Variants in SS18 observed in about 807,000 individuals in gnomAD.
The protein encoded by SS18 is SS18 subunit of BAF chromatin remodeling complex, also known as protein SSXT.
Under a neutral mutation model 72.5 loss-of-function variants are expected in SS18, and 28 were observed. The observed-to-expected ratio is 0.39, with a 90% confidence interval of 0.29 to 0.53. The LOEUF (loss-of-function observed/expected upper bound fraction) is 0.53, where lower values mean the gene tolerates loss of function less well. Ranked by LOEUF, SS18 falls within the 20% of genes least tolerant of loss-of-function variation. The pLI, the probability that SS18 is intolerant of heterozygous loss-of-function variation, is 0.76. For synonymous variants in SS18, 172 were observed against 164.2 expected (o/e 1.05, Z -0.37); for missense variants, 518 against 535.3 (o/e 0.97, Z 0.32).
intron 10 of SS18, among the ~76,000 whole-genome samples, chr18:26,029,926 C>G (rs1301697028): frequency 3.9e-5 from 6 of 152,300 alleles, no homozygotes; most frequent in Admixed American, 3.9e-4. Flanking sequence ...TGGTCCCCCC[C>G]TCATATTCTT....
At chr18:26,022,250 T>G (rs557289702) in intron 10 of SS18, among the ~76,000 whole-genome samples, 1 of 152,294 alleles carries the variant, frequency 6.6e-6, no homozygotes, top group South Asian at 2.1e-4. Context: ...TGTGCTCTAC[T>G]AGGTGACAGA....
At chr18:26,088,754 C>G (rs1166756099) in intron 1 of SS18, among the ~76,000 whole-genome samples, 2 of 152,148 alleles carry the variant, frequency 1.3e-5, no homozygotes, top group Non-Finnish European at 1.5e-5. Flanking sequence ...CCAGAACCTG[C>G]CCCACCCTAC....
intron 3 of SS18, among the ~76,000 whole-genome samples, chr18:26,066,599 T>TGCGC (rs202179450): frequency 8.7e-4 from 108 of 124,530 alleles, no homozygotes; most frequent in African/African-American, 4.0e-3. Flanking sequence ...TGGAAATTTG[T>TGCGC]GCACACACAC....
At chr18:26,050,630 G>C (rs1353550658) in intron 5 of SS18, among the ~76,000 whole-genome samples, 1 of 151,994 alleles carries the variant, frequency 6.6e-6, no homozygotes, top group Admixed American at 6.6e-5. Flanking sequence ...TTTGGTAACT[G>C]TAATTTTGTG....
rs11463174 is a variant in SS18 at position 26,036,184 on chromosome 18, G to GAA, written c.881-263_881-262dup. On this transcript the variant is annotated intron_variant, in intron 7 of 10. Coordinates refer to ENST00000415083, the MANE Select transcript of SS18 (RefSeq NM_001007559.3). ...TTAAATCTGATAATCCTCATTGAGGGAAAAAAAACTATCTCCCATTTAAAA... is the reference window on the plus strand; with the variant it reads ...TTAAATCTGATAATCCTCATTGAGGGAAAAAAAAAACTATCTCCCATTTAAAA... Among the ~76,000 whole-genome samples, 20 of 151,452 alleles carry GAA rather than the reference G, an allele frequency of 1.3e-4. No homozygotes were observed. The East Asian group carries it at 2.1e-3, about 16-fold the overall frequency.
intron 9 of SS18, among the ~76,000 whole-genome samples, chr18:26,033,775 G>A (rs2053583758): frequency 6.6e-6 from 1 of 151,952 alleles, no homozygotes; most frequent in Non-Finnish European, 1.5e-5. Context: ...GATTCCTGAT[G>A]TCTAACAAAA....
intron 10 of SS18, among the ~76,000 whole-genome samples, chr18:26,024,062 T>G (rs1361099490): frequency 6.6e-6 from 1 of 152,134 alleles, no homozygotes; most frequent in African/African-American, 2.4e-5. Context: ...AATATTATTT[T>G]AAGTAAAAAA....
intron 10 of SS18, among the ~76,000 whole-genome samples, chr18:26,022,696 T>C (rs2053373773): frequency 6.6e-6 from 1 of 152,048 alleles, no homozygotes; most frequent in Non-Finnish European, 1.5e-5. Context: ...CAGGACAGAG[T>C]ACCCTACAAG....
At chr18:26,024,659 T>G (rs1219133766) in intron 10 of SS18, among the ~76,000 whole-genome samples, 1 of 152,212 alleles carries the variant, frequency 6.6e-6, no homozygotes, top group African/African-American at 2.4e-5. Flanking sequence ...TGGTATACTT[T>G]AGAATGGTGA....
intron 10 of SS18, among the ~76,000 whole-genome samples, chr18:26,021,425 A>G (rs1472987749): frequency 2.6e-5 from 4 of 152,238 alleles, no homozygotes; most frequent in African/African-American, 9.6e-5. Flanking sequence ...ATGGGCTTTC[A>G]GCACTCAGCA....
chr18:26,020,506 T>C (rs2053330603), intron 10 of SS18, among the ~76,000 whole-genome samples: 1 of 152,200 alleles, frequency 6.6e-6, no homozygotes, highest in Non-Finnish European at 1.5e-5. Flanking sequence ...CCATAGTATA[T>C]AAGCTATAAT....
chr18:26,077,417 A>G (rs1289025080), intron 3 of SS18, among the ~76,000 whole-genome samples: 1 of 152,090 alleles, frequency 6.6e-6, no homozygotes, highest in Admixed American at 6.5e-5. Context: ...AGAATGTTAA[A>G]AATTCTACAC....
At chr18:26,069,865 C>T (rs1311335853) in intron 3 of SS18, among the ~76,000 whole-genome samples, 3 of 152,140 alleles carry the variant, frequency 2.0e-5, no homozygotes, top group African/African-American at 7.2e-5. Flanking sequence ...TATGCTAATA[C>T]TAGCAGATGA....
intron 2 of SS18, among the ~76,000 whole-genome samples, chr18:26,079,494 A>G (rs2054478601): frequency 1.3e-5 from 2 of 152,218 alleles, no homozygotes. Flanking sequence ...TTTTTCAGCT[A>G]AAGTTCTCTA....
chr18:26,036,063 A>G (rs1326808167), intron 7 of SS18, 140 bp from the exon 8 acceptor site: 3 of 679,042 alleles, frequency 4.4e-6, no homozygotes, highest in Non-Finnish European at 7.5e-6. Flanking sequence ...TGCATTAGCC[A>G]AAGATTTACC....
chr18:26,081,425 A>T (rs995563524), intron 2 of SS18: 1 of 152,280 alleles, frequency 6.6e-6, no homozygotes, highest in Non-Finnish European at 1.5e-5. Flanking sequence ...TCCTGATCTC[A>T]GGTGATCTGC....
At chr18:26,090,917 G>A, upstream of SS18, 2 of 359,294 alleles carry the variant, frequency 5.6e-6, no homozygotes, top group Non-Finnish European at 1.0e-5. Flanking sequence ...CCGCCGCCGC[G>A]GGAGAAGGAG....
intron 5 of SS18, among the ~76,000 whole-genome samples, chr18:26,044,767 G>C (rs2143925249): frequency 6.6e-6 from 1 of 151,924 alleles, no homozygotes; most frequent in East Asian, 1.9e-4. Context: ...GGGGGTTTTG[G>C]GCCAAGCAGG....
chr18:26,064,956 AC>A (rs2144065205), intron 3 of SS18: 1 of 152,268 alleles, frequency 6.6e-6, no homozygotes, highest in African/African-American at 2.4e-5. Context: ...TTTCCAAAAA[AC>A]AATTAGAAAG....
Sources: allele counts gnomAD v4.1 joint callset (sites outside exome capture counted in the v4.1 genomes callset), GRCh38; gene constraint gnomAD v4.1.1; transcripts MANE v1.5; gene names NCBI Gene and HGNC (gene_info 2026-07-23, HGNC 2026-07-21).